RAB31: variants seen among roughly 807,000 people sequenced by gnomAD.
RAB31 encodes RAB31, member RAS oncogene family, also known as ras-related protein Rab-31.
A neutral mutation model predicts 25.6 loss-of-function variants in RAB31; 21 were observed. The ratio of observed to expected loss-of-function variants is 0.82; its 90% CI spans 0.58 to 1.18. The LOEUF is 1.18. Among genes scored for constraint, RAB31 ranks in the 50% most tolerant of loss-of-function variants. RAB31 has a pLI of 0.00. For missense variants in RAB31, 196 were observed against 250.1 expected (o/e 0.78, Z 1.46); for synonymous variants, 87 against 84.0 (o/e 1.04, Z -0.20).
intron 3 of RAB31, among the ~76,000 whole-genome samples, chr18:9,799,288 T>C (rs2068502370): frequency 6.6e-6 from 1 of 152,326 alleles, no homozygotes; most frequent in South Asian, 2.1e-4. Context: ...CATGATTCAA[T>C]ATTTATTTAT....
At chr18:9,839,251 T>C (rs2068720220) in intron 5 of RAB31, among the ~76,000 whole-genome samples, 1 of 152,018 alleles carries the variant, frequency 6.6e-6, no homozygotes, top group South Asian at 2.1e-4. Flanking sequence ...GAGAAGTGGG[T>C]GCAAGAACCC....
At chr18:9,759,473 T>G (rs2068276726) in intron 1 of RAB31, among the ~76,000 whole-genome samples, 1 of 145,794 alleles carries the variant, frequency 6.9e-6, no homozygotes, top group South Asian at 2.2e-4. Flanking sequence ...ACCTGTCCTA[T>G]CTAGTAGATC....
intron 5 of RAB31, among the ~76,000 whole-genome samples, chr18:9,818,134 T>C (rs2068608108): frequency 6.6e-6 from 1 of 152,236 alleles, no homozygotes; most frequent in Non-Finnish European, 1.5e-5. Context: ...GCTGACTGCC[T>C]TTAAAACTCT....
intron 1 of RAB31, among the ~76,000 whole-genome samples, chr18:9,725,870 A>T (rs766399320): frequency 6.6e-6 from 1 of 152,212 alleles, no homozygotes; most frequent in Non-Finnish European, 1.5e-5. Context: ...CCTTGATGGC[A>T]GTAAAAGGCT....
At chr18:9,845,077 T>G (rs532500466) in intron 5 of RAB31, among the ~76,000 whole-genome samples, 1 of 152,212 alleles carries the variant, frequency 6.6e-6, no homozygotes, top group Non-Finnish European at 1.5e-5. Flanking sequence ...AGTCCAGATA[T>G]GCCATCCTGT....
chr18:9,784,796 T>A (rs7238836), intron 2 of RAB31, among the ~76,000 whole-genome samples: 3 of 152,154 alleles, frequency 2.0e-5, no homozygotes, highest in African/African-American at 4.8e-5. Flanking sequence ...CAAGTGATCC[T>A]CCCCCATCAA....
Position 9,792,237 on chromosome 18 carries a change from T to C in RAB31, c.201+2T>C. ...TGGGACACTGCTGGTCAGGAACGGG[T>C]GAGTATATGCTGTTTTTTGGTGAAA... On this transcript the variant is annotated splice_donor_variant, in intron 3 of 6. Transcript: ENST00000578921. LOFTEE classifies it high-confidence loss of function. The C allele has an allele frequency of 6.2e-7, 1 of 1,610,054 alleles. No individual in the cohort carries two copies. The highest frequency in any genetic ancestry group is 8.5e-7 in the Non-Finnish European group (1 of 1,178,080).
At chr18:9,770,852 C>CTTT (rs34745235) in intron 1 of RAB31, among the ~76,000 whole-genome samples, 125 of 128,540 alleles carry the variant, frequency 9.7e-4, no homozygotes, top group African/African-American at 2.0e-3. Context: ...AGAAATTTGA[C>CTTT]TTTTTTTTTT....
intron 2 of RAB31, among the ~76,000 whole-genome samples, chr18:9,790,436 C>G (rs1229138015): frequency 6.6e-6 from 1 of 151,574 alleles, no homozygotes; most frequent in Non-Finnish European, 1.5e-5. Flanking sequence ...GAGTCTTGCT[C>G]TGTTGCCCAA....
intron 5 of RAB31, among the ~76,000 whole-genome samples, chr18:9,843,481 G>C (rs1210387081): frequency 6.8e-6 from 1 of 146,552 alleles, no homozygotes; most frequent in Non-Finnish European, 1.5e-5. Context: ...GGGAGGCGGA[G>C]GTTGCAGTGA....
intron 1 of RAB31, among the ~76,000 whole-genome samples, chr18:9,771,726 G>T (rs1170907016): frequency 6.6e-6 from 1 of 152,220 alleles, no homozygotes; most frequent in Non-Finnish European, 1.5e-5. Context: ...GCATCCACTT[G>T]AGCGGTCCCA....
At chr18:9,752,234 T>C (rs1463967009) in intron 1 of RAB31, among the ~76,000 whole-genome samples, 2 of 151,348 alleles carry the variant, frequency 1.3e-5, no homozygotes, top group East Asian at 1.9e-4. Context: ...TATTTATTTA[T>C]TTTTTTTTGA....
At chr18:9,791,771 A>AT (rs2068461598) in intron 2 of RAB31, among the ~76,000 whole-genome samples, 1 of 151,902 alleles carries the variant, frequency 6.6e-6, no homozygotes, top group African/African-American at 2.4e-5. Context: ...GGCCTGGCTA[A>AT]TTTTTTGTAT....
At chr18:9,768,166 C>T (rs9955391) in intron 1 of RAB31, among the ~76,000 whole-genome samples, 48,025 of 152,078 alleles carry the variant, frequency 0.32, 8,021 homozygotes, top group Non-Finnish European at 0.38. Context: ...AATAAACATA[C>T]GTGTGCATGT....
Position 9,708,386 on chromosome 18 carries a change from C to G in RAB31, c.-20C>G. On this transcript the variant is annotated 5_prime_UTR_variant, in exon 1 of 7. Coordinates refer to ENST00000578921, the MANE Select transcript of RAB31 (RefSeq NM_006868.4). The surrounding 1 kb of genome is among the most constrained non-coding windows in gnomAD (Gnocchi z 6.4). ...CCCGGAGGATGCTGCTGAGCCCCGG[C>G]ACTGCCTGGCTGCGAGCACATGATG... is the stretch of plus-strand genomic sequence containing the variant. The G allele has an allele frequency of 6.5e-7, 1 of 1,548,800 alleles. No homozygotes were observed. The highest frequency in any genetic ancestry group is 8.7e-7 in the Non-Finnish European group (1 of 1,148,158).
chr18:9,712,284 T>C (rs2145451560), intron 1 of RAB31, among the ~76,000 whole-genome samples: 1 of 152,322 alleles, frequency 6.6e-6, no homozygotes, highest in African/African-American at 2.4e-5. Flanking sequence ...TCACATTTCA[T>C]GTGTGGACTT....
chr18:9,835,896 TA>T (rs984033042), intron 5 of RAB31, among the ~76,000 whole-genome samples: 1 of 152,144 alleles, frequency 6.6e-6, no homozygotes, highest in African/African-American at 2.4e-5. Context: ...AAATATGAGC[TA>T]GGGGGAGCAT....
intron 1 of RAB31, among the ~76,000 whole-genome samples, chr18:9,755,659 C>G (rs2068257048): frequency 6.6e-6 from 1 of 152,150 alleles, no homozygotes; most frequent in African/African-American, 2.4e-5. Context: ...TTTCCATGGC[C>G]TCATGGCAGC....
chr18:9,842,146 C>G (rs1265320650), intron 5 of RAB31, among the ~76,000 whole-genome samples: 2 of 152,162 alleles, frequency 1.3e-5, no homozygotes, highest in Non-Finnish European at 2.9e-5. Context: ...GTAGCACTCC[C>G]AGCACACCAG....
Sources: gnomAD v4.1 joint callset for allele counts (sites outside exome capture counted in the v4.1 genomes callset) on GRCh38, gnomAD v4.1.1 for gene constraint, Gnocchi (gnomAD v3.1) non-coding constraint, MANE v1.5 for transcripts, NCBI Gene and HGNC (gene_info 2026-07-23, HGNC 2026-07-21) for gene names.